PCDHA12: variants seen among roughly 807,000 people sequenced by gnomAD.
PCDHA12 encodes the protein protocadherin alpha 12, also known as protocadherin alpha-12.
In PCDHA12, 44 loss-of-function variants were observed where a neutral mutation model predicts 60.0. The ratio of observed to expected loss-of-function variants is 0.73; its 90% CI spans 0.58 to 0.94. The LOEUF (loss-of-function observed/expected upper bound fraction) is 0.94, where lower values mean the gene tolerates loss of function less well. PCDHA12 is among the 40% of genes least tolerant of loss of function. The pLI is 0.00. For missense variants in PCDHA12, 1,276 were observed against 1,239.7 expected (o/e 1.03, Z -0.44); for synonymous variants, 569 against 553.0 (o/e 1.03, Z -0.40).
chr5:140,970,193 G>C (rs1243334467), intron 1 of PCDHA12, among the ~76,000 whole-genome samples: 2 of 152,166 alleles, frequency 1.3e-5, no homozygotes, highest in African/African-American at 4.8e-5. Context: ...ATTGTAAGAG[G>C]ATTTCCCTGA....
At chr5:141,008,367 G>A (rs2098373101) in intron 3 of PCDHA12, among the ~76,000 whole-genome samples, 1 of 152,144 alleles carries the variant, frequency 6.6e-6, no homozygotes, top group African/African-American at 2.4e-5. Flanking sequence ...AAGGAGCAGT[G>A]TTAGATACAT....
intron 1 of PCDHA12, among the ~76,000 whole-genome samples, chr5:140,878,566 A>G (rs2057645190): frequency 6.6e-6 from 1 of 152,262 alleles, no homozygotes. Context: ...AACTTATCAT[A>G]GTATACCACT....
At chr5:140,966,490 T>G (rs533525977) in intron 1 of PCDHA12, 2 of 437,964 alleles carry the variant, frequency 4.6e-6, no homozygotes, top group Non-Finnish European at 7.9e-6. Flanking sequence ...TCCCTCCCCC[T>G]GGAGCTGTAG....
At chr5:140,892,616 G>A (rs781995267) in intron 1 of PCDHA12, among the ~76,000 whole-genome samples, 1 of 151,910 alleles carries the variant, frequency 6.6e-6, no homozygotes, top group Admixed American at 6.6e-5. Flanking sequence ...TTTATTTCCA[G>A]TTGGTACATA....
intron 1 of PCDHA12, among the ~76,000 whole-genome samples, chr5:140,956,090 C>T (rs964801271): frequency 1.3e-5 from 2 of 152,162 alleles, no homozygotes; most frequent in Non-Finnish European, 2.9e-5. Flanking sequence ...ATGTCATCTG[C>T]AAACAAAGAT....
intron 1 of PCDHA12, chr5:140,966,581 G>A: frequency 1.9e-6 from 1 of 535,414 alleles, no homozygotes; most frequent in Non-Finnish European, 3.0e-6. Flanking sequence ...AGTCAGCGAG[G>A]ACGGTGGGGC....
At chr5:140,885,737 A>G (rs1347685899) in intron 1 of PCDHA12, among the ~76,000 whole-genome samples, 1 of 152,222 alleles carries the variant, frequency 6.6e-6, no homozygotes, top group South Asian at 2.1e-4. Context: ...ATGATATTTC[A>G]CTGTTACTTT....
chr5:140,935,405 A>G (rs1554210493), intron 1 of PCDHA12, among the ~76,000 whole-genome samples: 1 of 152,248 alleles, frequency 6.6e-6, no homozygotes, highest in Non-Finnish European at 1.5e-5. Context: ...GGACTCAAAC[A>G]ATGGACTTAG....
intron 3 of PCDHA12, among the ~76,000 whole-genome samples, chr5:140,994,116 T>C: frequency 6.6e-6 from 1 of 152,196 alleles, no homozygotes; most frequent in East Asian, 1.9e-4. Context: ...CATTGTCATG[T>C]GATAAGGGCG....
At chr5:140,961,387 C>T (rs1249667395) in intron 1 of PCDHA12, among the ~76,000 whole-genome samples, 1 of 152,148 alleles carries the variant, frequency 6.6e-6, no homozygotes, top group Admixed American at 6.5e-5. Flanking sequence ...TTGAACTATT[C>T]CATTAGTAAA....
At chr5:140,927,896 A>C in intron 1 of PCDHA12, 1 of 1,614,200 alleles carries the variant, frequency 6.2e-7, no homozygotes, top group East Asian at 2.2e-5. Flanking sequence ...GACGTGAACG[A>C]TCATGCCCCC....
intron 3 of PCDHA12, among the ~76,000 whole-genome samples, chr5:140,992,981 A>T (rs532135754): frequency 5.3e-5 from 8 of 152,232 alleles, no homozygotes; most frequent in Admixed American, 1.3e-4. Flanking sequence ...TGATTAGGCC[A>T]TGGGACCCAT....
intron 3 of PCDHA12, among the ~76,000 whole-genome samples, chr5:140,992,671 T>C (rs932477687): frequency 1.3e-5 from 2 of 152,116 alleles, no homozygotes; most frequent in African/African-American, 4.8e-5. Context: ...GGTGTGTATG[T>C]GTGTGTTAGG....
At chr5:140,884,166 C>G (rs1554181300) in intron 1 of PCDHA12, 2 of 1,613,430 alleles carry the variant, frequency 1.2e-6, no homozygotes, top group Non-Finnish European at 8.5e-7. Flanking sequence ...GAGATCAGCA[C>G]GACGCGCCCT....
intron 1 of PCDHA12, among the ~76,000 whole-genome samples, chr5:140,977,103 G>A (rs1159604551): frequency 6.6e-6 from 1 of 152,230 alleles, no homozygotes; most frequent in Non-Finnish European, 1.5e-5. Context: ...TTGGGGAAGT[G>A]AGATTGTATA....
chr5:140,886,844 A>G (rs11748231), intron 1 of PCDHA12, among the ~76,000 whole-genome samples: 22,325 of 150,652 alleles, frequency 0.15, 1,711 homozygotes, highest in Middle Eastern at 0.2. Context: ...AAAAAAAAAA[A>G]AAAGAAAGGT....
chr5:140,896,560 A>G (rs1583236503), intron 1 of PCDHA12, among the ~76,000 whole-genome samples: 2 of 150,934 alleles, frequency 1.3e-5, no homozygotes, highest in African/African-American at 4.9e-5. Flanking sequence ...TATTTTAAGT[A>G]GAGATGGGGT....
intron 1 of PCDHA12, among the ~76,000 whole-genome samples, chr5:140,910,668 C>G (rs2075124281): frequency 6.6e-6 from 1 of 152,172 alleles, no homozygotes; most frequent in Admixed American, 6.5e-5. Flanking sequence ...TACATTAAAC[C>G]AAGGGAGATC....
chr5:140,885,642 A>G (rs2060672494), intron 1 of PCDHA12, among the ~76,000 whole-genome samples: 1 of 152,170 alleles, frequency 6.6e-6, no homozygotes, highest in Non-Finnish European at 1.5e-5. Flanking sequence ...CCTTCCAAGT[A>G]TTTTGGAACC....
Sources: allele counts gnomAD v4.1 joint callset (sites outside exome capture counted in the v4.1 genomes callset), GRCh38; gene constraint gnomAD v4.1.1; transcripts MANE v1.5; gene names NCBI Gene and HGNC (gene_info 2026-07-23, HGNC 2026-07-21).